The following WEE2 variants were observed in gnomAD, a reference collection of about 807,000 sequenced individuals.
The protein encoded by WEE2 is WEE2 oocyte meiosis inhibiting kinase.
A neutral mutation model predicts 60.1 loss-of-function variants in WEE2; 50 were observed. The ratio of observed to expected loss-of-function variants is 0.83; its 90% CI spans 0.66 to 1.05. The LOEUF (loss-of-function observed/expected upper bound fraction) is 1.05. Ranked by LOEUF, WEE2 falls within the 50% of genes least tolerant of loss-of-function variation. The probability of loss-of-function intolerance (pLI) is 0.00; values close to 1 mark genes in which losing one functional copy is unlikely to be tolerated. For synonymous variants in WEE2, 240 were observed against 241.0 expected (o/e 1.00, Z 0.04); for missense variants, 631 against 684.3 (o/e 0.92, Z 0.87).
In WEE2 at chr7:141,715,529, T is replaced by A. The variant is rs576457762; in HGVS notation, c.540-693T>A. ...TTTCTCCAAAAGAAAAATCTATAGC[T>A]AGTTGAAATCTTGCTTAAGGATCCA... On this transcript the variant is annotated intron_variant, in intron 2 of 11. Coordinates refer to ENST00000397541, the MANE Select transcript of WEE2 (RefSeq NM_001105558.1). Among the ~76,000 whole-genome samples the A allele has an allele frequency of 3.7e-4, 57 of 152,330 alleles. 1 individual carries two copies. Among genetic ancestry groups the A allele is most frequent in the African/African-American group, 1.3e-3 (56 of 41,568 alleles).
intron 1 of WEE2, 46 bp downstream of exon 1, chr7:141,709,146 G>C (rs1563011151): frequency 3.9e-6 from 6 of 1,540,000 alleles, no homozygotes; most frequent in Non-Finnish European, 5.3e-6. Flanking sequence ...GCCAAGCTCT[G>C]CTTTCCTGTA....
In WEE2 at chr7:141,727,255, T is replaced by TC. The variant is rs753109239; in HGVS notation, c.1393-46dup. 1.1e-4 allele frequency: 179 copies of TC among 1,572,784 alleles called. 1 individual carries two copies. Among genetic ancestry groups the TC allele is most frequent in the Non-Finnish European group, 1.3e-4 (152 of 1,161,558 alleles). ...GAGTTGGCTTGAATGGGAAGATTTT[T>TC]CCCAATAGTGAAGCTTCTGTTTCTT... is the stretch of plus-strand genomic sequence containing the variant. On this transcript the variant is annotated intron_variant, in intron 9 of 11. Transcript: ENST00000397541.
intron 9 of WEE2, among the ~76,000 whole-genome samples, chr7:141,726,632 A>G (rs1178550122): frequency 1.3e-5 from 2 of 152,230 alleles, no homozygotes; most frequent in Non-Finnish European, 2.9e-5. Flanking sequence ...TAGATAAGAC[A>G]TATATTAATT....
chr7:141,729,214 A>C (rs560638647), intron 10 of WEE2, among the ~76,000 whole-genome samples: 1 of 152,316 alleles, frequency 6.6e-6, no homozygotes, highest in East Asian at 1.9e-4. Flanking sequence ...TTGACTCAGA[A>C]GTTGTGGTTT....
chr7:141,724,297 G>A (rs1477530197), intron 8 of WEE2, 22 bp downstream of exon 8: 1 of 1,582,052 alleles, frequency 6.3e-7, no homozygotes, highest in Non-Finnish European at 8.6e-7. Flanking sequence ...GGAAATGGAG[G>A]GTATTTTATA....
chr7:141,719,023 T>C (rs200020764), intron 3 of WEE2, 49 bp from the exon 4 acceptor site: 143 of 1,580,358 alleles, frequency 9.0e-5, no homozygotes, highest in Non-Finnish European at 1.2e-4. Context: ...TTTTATTGCT[T>C]ACAACATGGT....
chr7:141,716,359 C>A, intron 3 of WEE2, 92 bp downstream of exon 3: 3 of 1,244,480 alleles, frequency 2.4e-6, no homozygotes, highest in Non-Finnish European at 3.4e-6. Context: ...CTCTCTCCTC[C>A]CTCCTCCCTT....
chr7:141,722,072 G>T (rs928793391), intron 5 of WEE2, among the ~76,000 whole-genome samples: 8 of 152,130 alleles, frequency 5.3e-5, no homozygotes, highest in African/African-American at 1.9e-4. Context: ...TTAGAGCTGG[G>T]TCTCTATAAT....
At chr7:141,710,067 G>A (rs1217095058) in intron 1 of WEE2, among the ~76,000 whole-genome samples, 2 of 152,166 alleles carry the variant, frequency 1.3e-5, no homozygotes, top group African/African-American at 4.8e-5. Flanking sequence ...TGTTTGAATT[G>A]TAGAAAAACT....
intron 10 of WEE2, 104 bp from the exon 11 acceptor site, chr7:141,729,427 G>A (rs1799084519): frequency 2.6e-6 from 4 of 1,521,512 alleles, no homozygotes; most frequent in Non-Finnish European, 2.7e-6. Flanking sequence ...TTTCGTTTCT[G>A]TAAATACTGA....
intron 10 of WEE2, among the ~76,000 whole-genome samples, chr7:141,728,707 A>C (rs1284862195): frequency 6.6e-6 from 1 of 151,798 alleles, no homozygotes; most frequent in Admixed American, 6.5e-5. Context: ...GACCAGTACC[A>C]GTCTGTGGCC....
chr7:141,709,078 G>A lies in WEE2; in HGVS notation c.320G>A (p.Ser107Asn), dbSNP rs760665382. Residue 107 changes from serine (S) to asparagine (N), a missense_variant, in exon 1 of 12, where the codon AGT (serine) becomes AAT (asparagine). Coordinates refer to ENST00000397541, the MANE Select transcript of WEE2 (RefSeq NM_001105558.1). Reference protein sequence around the residue: ...QPDSRSKLLPSDSPSTPKTML... With the variant: ...QPDSRSKLLPNDSPSTPKTML... ...GACAGCAGGAGCAAGCTGCTGCCCA[G>A]TGACAGCCCCTCTACTCCCAAAGTA... 3 of 1,613,806 alleles carry A rather than the reference G, an allele frequency of 1.9e-6. No individual in the cohort carries two copies. Among genetic ancestry groups the A allele is most frequent in the South Asian group, 2.2e-5 (2 of 91,080 alleles).
At chr7:141,728,406 T>C (rs185197092) in intron 10 of WEE2, among the ~76,000 whole-genome samples, 4 of 152,360 alleles carry the variant, frequency 2.6e-5, no homozygotes, top group South Asian at 4.1e-4. Context: ...GTAGAGACTC[T>C]TGGCCTTTAG....
At chr7:141,723,519 G>A (rs1403945800) in intron 6 of WEE2, among the ~76,000 whole-genome samples, 1 of 152,114 alleles carries the variant, frequency 6.6e-6, no homozygotes, top group South Asian at 2.1e-4. Context: ...GTAAAATTAG[G>A]TATTTAATTT....
intron 4 of WEE2, 85 bp from the exon 5 acceptor site, chr7:141,720,850 G>A: frequency 4.1e-6 from 6 of 1,477,170 alleles, no homozygotes; most frequent in Non-Finnish European, 5.6e-6. Flanking sequence ...GCCATTGCTA[G>A]TAAAGCCTCA....
In WEE2 at chr7:141,723,158, C is replaced by T. The variant is rs772202171; in HGVS notation, c.905C>T (p.Ser302Phe). Residue 302 changes from serine to phenylalanine, a missense_variant, in exon 6 of 12, where the codon TCT becomes TTT. Physicochemically the swap from Ser to Phe is radical, Grantham distance 155. Coordinates refer to ENST00000397541, the MANE Select transcript of WEE2 (RefSeq NM_001105558.1). ...CNGGSLQAAI[S>F]ENTKSGNHFE... is the part of the protein sequence containing the mutation. ...GGTGGGAGTTTGCAAGCTGCTATAT[C>T]TGAAAACACTAAGTCTGGCAATCAT... The T allele has an allele frequency of 7.4e-6, 12 of 1,614,066 alleles. No homozygotes were observed. In the South Asian group the frequency reaches 7.7e-5, roughly 10 times the overall value.
At chr7:141,725,624 CAAAAA>C (rs34460684) in intron 9 of WEE2, among the ~76,000 whole-genome samples, 2 of 101,236 alleles carry the variant, frequency 2.0e-5, no homozygotes, top group Admixed American at 1.0e-4. Flanking sequence ...GACTCCGTCT[CAAAAA>C]AAAAAAAAAA....
intron 10 of WEE2, 77 bp from the exon 11 acceptor site, chr7:141,729,453 AT>A: frequency 6.3e-7 from 1 of 1,575,586 alleles, no homozygotes; most frequent in Non-Finnish European, 8.7e-7. Context: ...GAAGAAAAAC[AT>A]TTATATATTA....
rs1798665340 is a variant in WEE2, at chr7:141,708,891, G to A, written c.133G>A (p.Glu45Lys). ...EASSQTPEKG[E>K]VQDSEAKGTP... ...TTCGAGCCAAACCCCAGAGAAGGGT[G>A]AAGTGCAGGATTCAGAGGCAAAGGG... Residue 45 changes from glutamate to lysine, a missense_variant, in exon 1 of 12, where the codon GAA (glutamate) becomes AAA (lysine). Transcript: ENST00000397541. The A allele has an allele frequency of 1.2e-6, 2 of 1,614,076 alleles. No homozygotes were observed. The highest frequency in any genetic ancestry group is 2.2e-5 in the East Asian group (1 of 44,898).
Sources: allele counts gnomAD v4.1 joint callset (sites outside exome capture counted in the v4.1 genomes callset), GRCh38; gene constraint gnomAD v4.1.1; transcripts MANE v1.5; gene names NCBI Gene and HGNC (gene_info 2026-07-23, HGNC 2026-07-21).